IMMP2L: variants seen among roughly 807,000 people sequenced by gnomAD.
The protein encoded by IMMP2L is mitochondrial inner membrane protease subunit 2.
In IMMP2L, 18 loss-of-function variants were observed where a neutral mutation model predicts 19.3. The ratio of observed to expected loss-of-function variants is 0.93; its 90% CI spans 0.64 to 1.38. IMMP2L has a LOEUF of 1.38. IMMP2L is among the 40% of genes most tolerant of loss of function. The pLI is 0.00. For synonymous variants in IMMP2L, 76 were observed against 73.0 expected (o/e 1.04, Z -0.21); for missense variants, 233 against 218.2 (o/e 1.07, Z -0.43).
intron 3 of IMMP2L, among the ~76,000 whole-genome samples, chr7:110,980,076 C>G (rs1332961127): frequency 6.6e-6 from 1 of 151,948 alleles, no homozygotes; most frequent in African/African-American, 2.4e-5. Flanking sequence ...CTCATCTGTA[C>G]AATAAAAAGC....
chr7:111,257,163 T>C (rs1816782214), intron 3 of IMMP2L, among the ~76,000 whole-genome samples: 1 of 152,168 alleles, frequency 6.6e-6, no homozygotes, highest in African/African-American at 2.4e-5. Context: ...TGGTTGGTAG[T>C]GTTTCACACA....
At chr7:111,389,377 T>C (rs1339897499) in intron 3 of IMMP2L, among the ~76,000 whole-genome samples, 1 of 152,118 alleles carries the variant, frequency 6.6e-6, no homozygotes, top group African/African-American at 2.4e-5. Context: ...GAATTATGAA[T>C]TGAATCTGTG....
chr7:111,243,230 T>G (rs1337605511), intron 3 of IMMP2L, among the ~76,000 whole-genome samples: 2 of 152,000 alleles, frequency 1.3e-5, no homozygotes, highest in Non-Finnish European at 1.5e-5. Flanking sequence ...AAGTATTTAT[T>G]ATATATTGAA....
intron 5 of IMMP2L, among the ~76,000 whole-genome samples, chr7:110,873,907 G>C (rs1808798577): frequency 6.6e-6 from 1 of 152,072 alleles, no homozygotes; most frequent in Non-Finnish European, 1.5e-5. Flanking sequence ...TTGAGAGCAG[G>C]AGAGATCTCC....
At chr7:110,692,277 G>C (rs1208279488) in intron 5 of IMMP2L, among the ~76,000 whole-genome samples, 1 of 152,186 alleles carries the variant, frequency 6.6e-6, no homozygotes, top group Non-Finnish European at 1.5e-5. Context: ...TCATTCATAA[G>C]TGAGAGCTAA....
chr7:111,139,149 C>G (rs971006944), intron 3 of IMMP2L, among the ~76,000 whole-genome samples: 1 of 151,952 alleles, frequency 6.6e-6, no homozygotes, highest in African/African-American at 2.4e-5. Context: ...ATTTTTTTAT[C>G]TTTGCCCTAT....
intron 2 of IMMP2L, among the ~76,000 whole-genome samples, chr7:111,489,875 A>AT (rs905550114): frequency 6.6e-6 from 1 of 151,472 alleles, no homozygotes; most frequent in African/African-American, 2.4e-5. Flanking sequence ...CAACAAATAA[A>AT]TTTTTTTTTG....
chr7:110,852,895 C>T (rs901879667), intron 5 of IMMP2L, among the ~76,000 whole-genome samples: 4 of 151,978 alleles, frequency 2.6e-5, no homozygotes, highest in African/African-American at 9.7e-5. Flanking sequence ...GGTTCCAGCT[C>T]CCAGACTTTG....
intron 4 of IMMP2L, among the ~76,000 whole-genome samples, chr7:110,903,205 C>T (rs1038836098): frequency 1.1e-4 from 17 of 152,142 alleles, no homozygotes; most frequent in South Asian, 2.1e-4. Context: ...TTTGAGTATA[C>T]GTGGTATGTG....
At chr7:110,995,567 A>G (rs1822940649) in intron 3 of IMMP2L, among the ~76,000 whole-genome samples, 1 of 152,158 alleles carries the variant, frequency 6.6e-6, no homozygotes. Flanking sequence ...GGAGGCTTCA[A>G]CATCCATAAA....
chr7:110,962,744 A>G, intron 4 of IMMP2L: 1 of 1,056,228 alleles, frequency 9.5e-7, no homozygotes, highest in African/African-American at 1.7e-5. Context: ...GAGATTAGTT[A>G]ATATGTGTAC....
rs1284342029 is a variant in IMMP2L at position 111,562,009 on chromosome 7, C to A, written c.-161G>T. The A allele has an allele frequency of 6.5e-6, 1 of 152,678 alleles. No individual in the cohort carries two copies. The highest frequency in any genetic ancestry group is 6.5e-5 in the Admixed American group (1 of 15,290). 9.5% of individuals were successfully genotyped at this position (152,678 alleles called of 1,614,324 possible). A position where few individuals can be genotyped will look rare whatever the true frequency, so the allele number is the denominator to read the frequency against. ...CTCTCCCACCACCTGCCCAACACTT[C>A]CAGGCAGAAGGCAGCGCGCCCCCAC... On this transcript the variant is annotated 5_prime_UTR_variant, in exon 1 of 6. Transcript: ENST00000405709.
chr7:111,468,947 T>G (rs1164551945), intron 3 of IMMP2L, among the ~76,000 whole-genome samples: 1 of 152,132 alleles, frequency 6.6e-6, no homozygotes. Context: ...AGGTTGGGTT[T>G]GAGAAGTCTG....
At position 111,562,445 on chromosome 7, in the gene IMMP2L, G is replaced by GGCGCCCGCCC. The variant is rs1563364562; in HGVS notation, c.-598_-597insGGGCGGGCGC. The GGCGCCCGCCC allele has an allele frequency of 6.6e-6, 1 of 150,860 alleles. No individual in the cohort carries two copies. Among genetic ancestry groups the GGCGCCCGCCC allele is most frequent in the Admixed American group, 6.6e-5 (1 of 15,160 alleles). The allele number at this position is 150,860 out of a possible 1,614,324, so 9.3% of individuals were successfully genotyped here. On this transcript the variant is annotated 5_prime_UTR_variant, in exon 1 of 6. Coordinates refer to ENST00000405709, the MANE Select transcript of IMMP2L (RefSeq NM_032549.4). ...AGCCCCCCACCCGCCGCCGGACGCC[G>GGCGCCCGCCC]GGCGCCCGCCCTCCGCACCCGCTGC...
chr7:111,126,178 G>A (rs779568488), intron 3 of IMMP2L, among the ~76,000 whole-genome samples: 3 of 151,880 alleles, frequency 2.0e-5, no homozygotes, highest in Non-Finnish European at 4.4e-5. Flanking sequence ...TTATGCTCTA[G>A]GTATAATTTT....
At chr7:110,999,738 C>T (rs1436099350) in intron 3 of IMMP2L, among the ~76,000 whole-genome samples, 2 of 152,002 alleles carry the variant, frequency 1.3e-5, no homozygotes, top group Admixed American at 6.6e-5. Flanking sequence ...GCCTGGCAAT[C>T]ACTGGTGGTC....
At chr7:110,700,707 G>C (rs1405411077) in intron 5 of IMMP2L, among the ~76,000 whole-genome samples, 1 of 152,106 alleles carries the variant, frequency 6.6e-6, no homozygotes, top group Admixed American at 6.5e-5. Context: ...GTTGGATATT[G>C]GACTTTCTTA....
intron 3 of IMMP2L, among the ~76,000 whole-genome samples, chr7:111,014,408 CACTT>C (rs1264519894): frequency 6.6e-6 from 1 of 152,000 alleles, no homozygotes; most frequent in Non-Finnish European, 1.5e-5. Flanking sequence ...CATACACACA[CACTT>C]ATGTATGTAC....
intron 5 of IMMP2L, among the ~76,000 whole-genome samples, chr7:110,745,724 C>T (rs1797291022): frequency 6.6e-6 from 1 of 152,146 alleles, no homozygotes; most frequent in Non-Finnish European, 1.5e-5. Flanking sequence ...CACCACCAGG[C>T]CTGCCCTACA....
Sources: gnomAD v4.1 joint callset for allele counts (sites outside exome capture counted in the v4.1 genomes callset) on GRCh38, gnomAD v4.1.1 for gene constraint, MANE v1.5 for transcripts, NCBI Gene and HGNC (gene_info 2026-07-23, HGNC 2026-07-21) for gene names.